IQGAP1: variants seen among roughly 807,000 people sequenced by gnomAD.
IQGAP1 encodes ras GTPase-activating-like protein IQGAP1.
A neutral mutation model predicts 215.6 loss-of-function variants in IQGAP1; 66 were observed. The ratio of observed to expected loss-of-function variants is 0.31; its 90% CI spans 0.25 to 0.38. IQGAP1 has a LOEUF of 0.38. Among genes scored for constraint, IQGAP1 ranks in the 10% least tolerant of loss-of-function variants. The pLI, the probability that IQGAP1 is intolerant of heterozygous loss-of-function variation, is 1.00. For synonymous variants in IQGAP1, 772 were observed against 728.7 expected, an observed-to-expected ratio of 1.06 and a Z score of -0.96; for missense variants, 1,712 against 1,997.1, an observed-to-expected ratio of 0.86 and a Z score of 2.72.
intron 15 of IQGAP1, among the ~76,000 whole-genome samples, chr15:90,463,424 G>A (rs926868506): frequency 4.6e-5 from 7 of 152,150 alleles, no homozygotes; most frequent in African/African-American, 1.4e-4. Flanking sequence ...TTTATGATAC[G>A]AGGATTTTTC....
At chr15:90,448,079 G>A (rs2151022004) in intron 9 of IQGAP1, among the ~76,000 whole-genome samples, 1 of 152,322 alleles carries the variant, frequency 6.6e-6, no homozygotes, top group Non-Finnish European at 1.5e-5. Flanking sequence ...TAAGGCATTT[G>A]CTGTCATAGG....
intron 2 of IQGAP1, among the ~76,000 whole-genome samples, chr15:90,397,008 A>G (rs1287796502): frequency 6.6e-6 from 1 of 152,018 alleles, no homozygotes; most frequent in Non-Finnish European, 1.5e-5. Context: ...GCCCACTGCC[A>G]TGCCTGGCTA....
chr15:90,442,554 T>C (rs981699507), intron 8 of IQGAP1, among the ~76,000 whole-genome samples: 10 of 152,150 alleles, frequency 6.6e-5, no homozygotes, highest in South Asian at 6.2e-4. Flanking sequence ...GTATCTCTTA[T>C]CATAGAGCAG....
intron 6 of IQGAP1, 99 bp downstream of exon 6, chr15:90,439,498 CA>C: frequency 1.2e-6 from 1 of 825,916 alleles, no homozygotes; most frequent in Admixed American, 2.3e-5. Flanking sequence ...TTTAAAAATA[CA>C]CTGGCAGTGG....
intron 4 of IQGAP1, among the ~76,000 whole-genome samples, chr15:90,430,498 G>A (rs906685551): frequency 6.6e-6 from 1 of 152,106 alleles, no homozygotes; most frequent in African/African-American, 2.4e-5. Context: ...GGTATTAATT[G>A]TGTTACAGCC....
chr15:90,422,357 T>C (rs1245878423), intron 2 of IQGAP1, among the ~76,000 whole-genome samples: 1 of 152,098 alleles, frequency 6.6e-6, no homozygotes, highest in African/African-American at 2.4e-5. Flanking sequence ...TGTTTATATT[T>C]TTAATTTTGG....
At chr15:90,427,379 A>G (rs570455903) in intron 3 of IQGAP1, among the ~76,000 whole-genome samples, 4 of 152,184 alleles carry the variant, frequency 2.6e-5, no homozygotes, top group Non-Finnish European at 5.9e-5. Context: ...GAAAATTGAG[A>G]TAAGTGAGAG....
intron 2 of IQGAP1, among the ~76,000 whole-genome samples, chr15:90,415,821 G>A (rs145465601): frequency 3.2e-4 from 49 of 152,102 alleles, no homozygotes; most frequent in African/African-American, 1.0e-3. Flanking sequence ...TGAATCTGTC[G>A]TCCATGCTGC....
intron 2 of IQGAP1, 149 bp from the exon 3 acceptor site, chr15:90,425,961 G>A (rs1212691109): frequency 1.5e-6 from 1 of 665,956 alleles, no homozygotes; most frequent in Non-Finnish European, 2.3e-6. Flanking sequence ...GGCCAGGCAG[G>A]GAAAGGATGT....
intron 18 of IQGAP1, among the ~76,000 whole-genome samples, chr15:90,469,865 C>T (rs576943723): frequency 6.6e-6 from 1 of 152,174 alleles, no homozygotes; most frequent in Non-Finnish European, 1.5e-5. Context: ...AGGACATGGA[C>T]CACTGAAGGA....
At chr15:90,488,205 A>G (rs1401169726) in intron 33 of IQGAP1, among the ~76,000 whole-genome samples, 1 of 151,692 alleles carries the variant, frequency 6.6e-6, no homozygotes, top group Non-Finnish European at 1.5e-5. Context: ...TGGGCGACAG[A>G]GCGAGACTCC....
chr15:90,467,204 G>T (rs1034769672), intron 17 of IQGAP1, among the ~76,000 whole-genome samples: 1 of 152,160 alleles, frequency 6.6e-6, no homozygotes, highest in Non-Finnish European at 1.5e-5. Flanking sequence ...GTTAATCATG[G>T]TTAATTCCAT....
At chr15:90,392,954 A>T (rs888123241) in intron 2 of IQGAP1, among the ~76,000 whole-genome samples, 1 of 151,958 alleles carries the variant, frequency 6.6e-6, no homozygotes, top group Non-Finnish European at 1.5e-5. Context: ...CATAATGGCC[A>T]GGCTGGTCTC....
intron 2 of IQGAP1, among the ~76,000 whole-genome samples, chr15:90,416,746 T>A (rs1235192679): frequency 6.6e-6 from 1 of 151,972 alleles, no homozygotes; most frequent in African/African-American, 2.4e-5. Flanking sequence ...CCCAGCTAAT[T>A]TTTTGTATTT....
intron 18 of IQGAP1, among the ~76,000 whole-genome samples, chr15:90,470,263 G>T (rs748530391): frequency 6.6e-6 from 1 of 152,042 alleles, no homozygotes; most frequent in Non-Finnish European, 1.5e-5. Flanking sequence ...TCTCTCTGGA[G>T]GAAACAGCTA....
intron 26 of IQGAP1, among the ~76,000 whole-genome samples, chr15:90,479,240 C>T (rs1436910033): frequency 6.6e-6 from 1 of 151,882 alleles, no homozygotes; most frequent in Non-Finnish European, 1.5e-5. Flanking sequence ...TTTTTCATAG[C>T]AAGATTTTCT....
chr15:90,438,814 TC>T (rs1965407890), intron 5 of IQGAP1, among the ~76,000 whole-genome samples: 1 of 149,442 alleles, frequency 6.7e-6, no homozygotes, highest in Admixed American at 6.7e-5. Flanking sequence ...AGCCTTTGCC[TC>T]CCAGGTTCAA....
chr15:90,394,561 C>T (rs932727055), intron 2 of IQGAP1, among the ~76,000 whole-genome samples: 5 of 152,148 alleles, frequency 3.3e-5, no homozygotes, highest in African/African-American at 1.2e-4. Context: ...AGTTCTTTCT[C>T]CTACCTTGGT....
At chr15:90,453,371 C>A in intron 13 of IQGAP1, 79 bp downstream of exon 13, 1 of 1,094,678 alleles carries the variant, frequency 9.1e-7, no homozygotes, top group South Asian at 1.6e-5. Flanking sequence ...CTCCGATTTT[C>A]TTTGCAGGCA....
Sources: allele counts gnomAD v4.1 joint callset (sites outside exome capture counted in the v4.1 genomes callset), GRCh38; gene constraint gnomAD v4.1.1; transcripts MANE v1.5; gene names NCBI Gene and HGNC (gene_info 2026-07-23, HGNC 2026-07-21).